Variants in LRRC9 observed in about 807,000 individuals in gnomAD.
LRRC9 encodes leucine-rich repeat-containing protein 9.
Under a neutral mutation model 63.2 loss-of-function variants are expected in LRRC9, and 122 were observed. That is an observed-to-expected ratio of 1.93 (90% CI 1.67 to 2.24). The LOEUF (loss-of-function observed/expected upper bound fraction) is 2.24, where lower values mean the gene tolerates loss of function less well. Ranked by LOEUF, LRRC9 falls within the 30% of genes most tolerant of loss-of-function variation. LRRC9 has a pLI of 0.00. For missense variants in LRRC9, 1,071 were observed against 627.7 expected, an observed-to-expected ratio of 1.71 and a Z score of -7.55; for synonymous variants, 366 against 213.1, an observed-to-expected ratio of 1.72 and a Z score of -6.25.
At chr14:59,949,476 T>A (rs1241398909) in intron 8 of LRRC9, among the ~76,000 whole-genome samples, 3 of 150,716 alleles carry the variant, frequency 2.0e-5, no homozygotes, top group African/African-American at 7.3e-5. Flanking sequence ...GATTCATTGA[T>A]TTTTTGAAGG....
Position 59,981,838 on chromosome 14 carries a change from C to T in LRRC9, c.1879-10C>T, listed in dbSNP as rs1886960062. 1 of 679,656 alleles carries T rather than the reference C, an allele frequency of 1.5e-6. No homozygotes were observed. The highest frequency in any genetic ancestry group is 2.3e-5 in the Admixed American group (1 of 43,968). 42.1% of individuals were successfully genotyped at this position (679,656 alleles called of 1,614,324 possible). A position where few individuals can be genotyped will look rare whatever the true frequency, so the allele number is the denominator to read the frequency against. ...AACTGATTTTGCAATGTTTTTAATA[C>T]ATTTTTTAGGTCAAGGCACCCTCTT... is the stretch of plus-strand genomic sequence containing the variant. On this transcript the variant is annotated splice_polypyrimidine_tract_variant and intron_variant, in intron 15 of 31. Coordinates refer to ENST00000445360, the Ensembl canonical transcript of LRRC9.
chr14:60,014,592 A>G (rs1890527555), intron 23 of LRRC9, among the ~76,000 whole-genome samples: 1 of 152,050 alleles, frequency 6.6e-6, no homozygotes, highest in Admixed American at 6.6e-5. Context: ...TGGTTTCCAT[A>G]GTTTCTGATT....
chr14:59,955,073 A>G (rs1053396858), intron 8 of LRRC9, among the ~76,000 whole-genome samples: 19 of 152,186 alleles, frequency 1.2e-4, no homozygotes, highest in South Asian at 2.1e-4. Context: ...TTTTGCATCA[A>G]TGTTCATCAG....
intron 29 of LRRC9, among the ~76,000 whole-genome samples, chr14:60,036,431 C>A (rs1029583123): frequency 3.9e-5 from 6 of 152,176 alleles, no homozygotes; most frequent in Non-Finnish European, 8.8e-5. Flanking sequence ...CTCCTCCAGA[C>A]TGAGGAATCT....
intron 17 of LRRC9, among the ~76,000 whole-genome samples, chr14:59,995,944 T>G (rs1888736617): frequency 6.6e-6 from 1 of 152,136 alleles, no homozygotes; most frequent in South Asian, 2.1e-4. Flanking sequence ...GGTTTCACCA[T>G]GTTGGCCAGA....
At chr14:59,953,692 T>G (rs1045429706) in intron 8 of LRRC9, among the ~76,000 whole-genome samples, 1 of 152,240 alleles carries the variant, frequency 6.6e-6, no homozygotes, top group Non-Finnish European at 1.5e-5. Context: ...ATTTTGACTT[T>G]TGTTGCTGTT....
intron 23 of LRRC9, among the ~76,000 whole-genome samples, chr14:60,013,165 T>C (rs1348420789): frequency 1.3e-5 from 2 of 149,576 alleles, no homozygotes; most frequent in Non-Finnish European, 3.0e-5. Context: ...TTATTGAGGA[T>C]TCAACAAGAG....
intron 17 of LRRC9, 107 bp from the exon 18 acceptor site, chr14:59,997,549 G>A (rs1888928268): frequency 1.8e-6 from 1 of 562,022 alleles, no homozygotes; most frequent in Non-Finnish European, 3.2e-6. Context: ...TGTGTCCTGT[G>A]AGGATTACCA....
At chr14:60,018,428 G>C (rs1322521440) in exon 25 of LRRC9, 1 of 700,362 alleles carries the variant, frequency 1.4e-6, no homozygotes, top group Non-Finnish European at 2.6e-6. Context: ...TGAATCTACA[G>C]AACAATCATC....
chr14:60,034,015 C>CTTTTTTTTTTTTTTTTTTTTTTT (rs1157239003), intron 29 of LRRC9, among the ~76,000 whole-genome samples: 3 of 116,058 alleles, frequency 2.6e-5, no homozygotes, highest in East Asian at 2.6e-4. Flanking sequence ...TTTTTTCTTT[C>CTTTTTTTTTTTTTTTTTTTTTTT]TTTTTTTTTT....
Position 59,966,633 on chromosome 14 carries a change from G to T in LRRC9, c.1256G>T (p.Trp419Leu). 1.4e-6 allele frequency: 1 copy of T among 692,414 alleles called. No homozygotes were observed. Among genetic ancestry groups the T allele is most frequent in the Non-Finnish European group, 2.6e-6 (1 of 379,382 alleles). 42.9% of individuals were successfully genotyped at this position (692,414 alleles called of 1,614,324 possible). ...TTAATTCTGTCACGTTTTTGTGCCT[G>T]GGACTTCAGAACATACGGTATTACA... is the stretch of plus-strand genomic sequence containing the variant. The change falls in exon 11 of 32, where the codon TGG (tryptophan) becomes TTG (leucine). Residue 419 changes from tryptophan (W) to leucine (L), a missense_variant. Coordinates refer to ENST00000445360, the Ensembl canonical transcript of LRRC9. The surrounding 1 kb of genome is among the most constrained non-coding windows in gnomAD (Gnocchi z 4.0).
chr14:59,938,504 C>T lies in LRRC9; in HGVS notation c.658C>T (p.His220Tyr). The T allele has an allele frequency of 1.4e-6, 1 of 697,244 alleles. No individual in the cohort carries two copies. Among genetic ancestry groups the T allele is most frequent in the East Asian group, 2.7e-5 (1 of 36,712 alleles). 43.2% of individuals were successfully genotyped at this position (697,244 alleles called of 1,614,324 possible). A position where few individuals can be genotyped will look rare whatever the true frequency, so the allele number is the denominator to read the frequency against. ...TAATTATTCCACACATGTATTATAT[C>T]ATTTGCCTTGCCTTCAAAGATTTGA... The change falls in exon 7 of 32, where the codon CAT (histidine) becomes TAT (tyrosine). Residue 220 changes from histidine to tyrosine, a missense_variant. His to Tyr is a moderately conservative substitution (Grantham distance 83, BLOSUM62 2). Coordinates refer to ENST00000445360, the Ensembl canonical transcript of LRRC9. This position sits in a 1 kb window ranked among gnomAD's most constrained non-coding sequence, Gnocchi z 4.2.
At chr14:60,049,608 G>T (rs117417418) in intron 29 of LRRC9, among the ~76,000 whole-genome samples, 5,339 of 152,248 alleles carry the variant, frequency 0.035, 145 homozygotes, top group Non-Finnish European at 0.055. Context: ...TAGGATTTCT[G>T]CTGAAAGGTA....
At chr14:60,050,817 T>C (rs1893831416) in intron 29 of LRRC9, among the ~76,000 whole-genome samples, 2 of 152,202 alleles carry the variant, frequency 1.3e-5, no homozygotes, top group Admixed American at 1.3e-4. Flanking sequence ...AGGCCACTAA[T>C]TATTAGCAAC....
chr14:60,014,148 A>G (rs993876246), intron 23 of LRRC9, among the ~76,000 whole-genome samples: 1 of 151,952 alleles, frequency 6.6e-6, no homozygotes, highest in African/African-American at 2.4e-5. Flanking sequence ...GTTAGTGTTG[A>G]CATTTTACCA....
At chr14:59,934,490 C>T (rs1951364) in intron 6 of LRRC9, among the ~76,000 whole-genome samples, 26,650 of 152,048 alleles carry the variant, frequency 0.18, 2,841 homozygotes, top group East Asian at 0.29. Context: ...GAGTGTGAAG[C>T]GATGCTTAGG....
intron 17 of LRRC9, among the ~76,000 whole-genome samples, chr14:59,997,361 T>C (rs540485668): frequency 6.6e-6 from 1 of 152,204 alleles, no homozygotes; most frequent in East Asian, 1.9e-4. Flanking sequence ...ATTTTGTTTG[T>C]TGGGGATAAA....
intron 15 of LRRC9, among the ~76,000 whole-genome samples, chr14:59,978,412 G>A (rs1027496578): frequency 1.3e-5 from 2 of 152,138 alleles, no homozygotes; most frequent in Non-Finnish European, 2.9e-5. Flanking sequence ...ACATGAAAAT[G>A]TGCCCTCACT....
At position 60,058,428 on chromosome 14, in the gene LRRC9, G is replaced by C. The variant is rs1023514823; in HGVS notation, c.4276+406G>C. On this transcript the variant is annotated intron_variant, in intron 31 of 31. Transcript: ENST00000445360. This position sits in a 1 kb window ranked among gnomAD's most constrained non-coding sequence, Gnocchi z 4.4. The stretch of plus-strand genomic sequence containing the variant: ...AGATGTAAAAGCATAACAGAATCCC[G>C]GGGTACAAAGGATATTCTGCAGAGA... Among the ~76,000 whole-genome samples, 2 of 152,070 alleles carry C rather than the reference G, an allele frequency of 1.3e-5. No homozygotes were observed. The highest frequency in any genetic ancestry group is 2.9e-5 in the Non-Finnish European group (2 of 67,988).
Sources: gnomAD v4.1 joint callset for allele counts (sites outside exome capture counted in the v4.1 genomes callset) on GRCh38, gnomAD v4.1.1 for gene constraint, Gnocchi (gnomAD v3.1) non-coding constraint, MANE v1.5 for transcripts, NCBI Gene and HGNC (gene_info 2026-07-23, HGNC 2026-07-21) for gene names.